TIMP3: variants seen among roughly 807,000 people sequenced by gnomAD.
The protein encoded by TIMP3 is metalloproteinase inhibitor 3.
A neutral mutation model predicts 30.0 loss-of-function variants in TIMP3; 11 were observed. The observed-to-expected ratio is 0.37, with a 90% CI of 0.23 to 0.61. The LOEUF (loss-of-function observed/expected upper bound fraction) is 0.61. Among genes scored for constraint, TIMP3 ranks in the 20% least tolerant of loss-of-function variants. The pLI is 0.70. For synonymous variants in TIMP3, 112 were observed against 111.3 expected (o/e 1.01, Z -0.04); for missense variants, 181 against 276.8 (o/e 0.65, Z 2.45).
chr22:32,821,430 A>G (rs1422918714), intron 1 of TIMP3, among the ~76,000 whole-genome samples: 3 of 152,228 alleles, frequency 2.0e-5, no homozygotes, highest in Non-Finnish European at 4.4e-5. Context: ...ATCAGAAGTC[A>G]AAGAAGGTGG....
At chr22:32,829,092 G>A (rs774651010) in intron 1 of TIMP3, among the ~76,000 whole-genome samples, 15 of 152,292 alleles carry the variant, frequency 9.8e-5, no homozygotes, top group Non-Finnish European at 1.6e-4. Flanking sequence ...TCTACCCTCA[G>A]AGGGTACCGC....
At chr22:32,852,728 A>T (rs2048255706) in intron 2 of TIMP3, among the ~76,000 whole-genome samples, 1 of 146,850 alleles carries the variant, frequency 6.8e-6, no homozygotes, top group African/African-American at 2.5e-5. Context: ...GTACACAGAG[A>T]CCTGCGATAT....
intron 1 of TIMP3, among the ~76,000 whole-genome samples, chr22:32,805,830 T>C (rs1423160033): frequency 1.3e-5 from 2 of 152,152 alleles, no homozygotes; most frequent in South Asian, 2.1e-4. Flanking sequence ...GGAGATGGAA[T>C]GGATGGTTAA....
At chr22:32,834,598 G>A (rs560871490) in intron 1 of TIMP3, among the ~76,000 whole-genome samples, 3 of 152,310 alleles carry the variant, frequency 2.0e-5, no homozygotes, top group African/African-American at 7.2e-5. Context: ...GGCTGGTGCT[G>A]TGTATGTTTT....
intron 1 of TIMP3, among the ~76,000 whole-genome samples, chr22:32,847,045 G>A (rs925607928): frequency 6.6e-6 from 1 of 152,168 alleles, no homozygotes; most frequent in Non-Finnish European, 1.5e-5. Context: ...CCAGGATGTT[G>A]CTATTTAAAG....
intron 1 of TIMP3, among the ~76,000 whole-genome samples, chr22:32,816,334 C>T (rs374069449): frequency 3.9e-5 from 6 of 152,048 alleles, no homozygotes; most frequent in South Asian, 4.2e-4. Context: ...AGTAGGTGCT[C>T]GATAAACATG....
intron 1 of TIMP3, among the ~76,000 whole-genome samples, chr22:32,828,947 C>T (rs183296432): frequency 6.6e-6 from 1 of 152,210 alleles, no homozygotes; most frequent in East Asian, 1.9e-4. Context: ...AGACAAAAAA[C>T]AAGGATCTTG....
At chr22:32,835,558 G>A (rs949246173) in intron 1 of TIMP3, among the ~76,000 whole-genome samples, 4 of 152,142 alleles carry the variant, frequency 2.6e-5, no homozygotes, top group African/African-American at 7.2e-5. Flanking sequence ...GGGTAATGGG[G>A]AGCAGAAGAG....
chr22:32,829,999 C>A (rs188087272), intron 1 of TIMP3, among the ~76,000 whole-genome samples: 3 of 152,332 alleles, frequency 2.0e-5, no homozygotes, highest in East Asian at 3.9e-4. Context: ...TGGACTGATA[C>A]CAGTCAATGT....
chr22:32,819,324 A>G (rs969724081), intron 1 of TIMP3, among the ~76,000 whole-genome samples: 2 of 152,204 alleles, frequency 1.3e-5, no homozygotes, highest in Non-Finnish European at 2.9e-5. Flanking sequence ...CACAAAGAGG[A>G]CACGATGCCT....
At chr22:32,831,360 CAG>C (rs1213006162) in intron 1 of TIMP3, among the ~76,000 whole-genome samples, 2 of 152,172 alleles carry the variant, frequency 1.3e-5, no homozygotes, top group East Asian at 3.9e-4. Context: ...AAAGTTAACT[CAG>C]AGCATTAGAG....
At chr22:32,803,864 G>A (rs559883856) in intron 1 of TIMP3, among the ~76,000 whole-genome samples, 2 of 152,280 alleles carry the variant, frequency 1.3e-5, no homozygotes, top group East Asian at 3.9e-4. Context: ...TGTAGTGGGA[G>A]TAGGTCCCCA....
chr22:32,853,425 T>C lies in TIMP3; in HGVS notation c.205-3824T>C, dbSNP rs530915953. Among the ~76,000 whole-genome samples, 12 of 152,346 alleles carry C rather than the reference T, an allele frequency of 7.9e-5. 1 individual carries two copies. The East Asian group carries it at 1.2e-3, about 15-fold the overall frequency. Reference sequence around the variant, plus strand: ...GCATGCAAGACATAGTTGGAATCATTGAGGCAACTCATGCTGTCAATGTAG... The same window carrying C: ...GCATGCAAGACATAGTTGGAATCATCGAGGCAACTCATGCTGTCAATGTAG... On this transcript the variant is annotated intron_variant, in intron 2 of 4. Coordinates refer to ENST00000266085, the MANE Select transcript of TIMP3 (RefSeq NM_000362.5).
chr22:32,838,672 T>A (rs764881484), intron 1 of TIMP3, among the ~76,000 whole-genome samples: 8 of 152,114 alleles, frequency 5.3e-5, no homozygotes, highest in Non-Finnish European at 7.3e-5. Flanking sequence ...GATCACATTT[T>A]TACTTGTCCC....
chr22:32,841,787 A>G (rs1256994373), intron 1 of TIMP3, among the ~76,000 whole-genome samples: 2 of 152,196 alleles, frequency 1.3e-5, no homozygotes, highest in South Asian at 2.1e-4. Context: ...ACTATGGTAC[A>G]TGTTTACCTT....
chr22:32,815,917 G>A lies in TIMP3; in HGVS notation c.121+13795G>A, dbSNP rs112816387. The stretch of plus-strand genomic sequence containing the variant: ...TGTTCTGTGGTCTGTGGTCTTCACC[G>A]CCCCACTAGACAGCCTGGATTTTTC... On this transcript the variant is annotated intron_variant, in intron 1 of 4. Transcript: ENST00000266085. Among the ~76,000 whole-genome samples the A allele has an allele frequency of 8.0e-3, 1,220 of 152,258 alleles. 9 individuals carry two copies. The highest frequency in any genetic ancestry group is 0.01 in the Non-Finnish European group (702 of 68,024).
At position 32,857,271 on chromosome 22, in the gene TIMP3, T is replaced by A; in HGVS notation, c.227T>A (p.Met76Lys). The A allele has an allele frequency of 1.2e-6, 2 of 1,614,110 alleles. No homozygotes were observed. Among genetic ancestry groups the A allele is most frequent in the Non-Finnish European group, 8.5e-7 (1 of 1,180,002 alleles). ...CAGATGTACCGAGGCTTCACCAAGATGCCCCATGTGCAGTACATCCATACG... is the reference window on the plus strand; with the variant it reads ...CAGATGTACCGAGGCTTCACCAAGAAGCCCCATGTGCAGTACATCCATACG... Reference protein sequence around the residue: ...QMKMYRGFTKMPHVQYIHTEA... With the variant: ...QMKMYRGFTKKPHVQYIHTEA... The change falls in exon 3 of 5, where the codon ATG becomes AAG. Residue 76 changes from methionine (M) to lysine (K), a missense_variant. Around this residue, in one of 3 missense-constraint regions of TIMP3, gnomAD observed 63 missense variants for 133.3 expected, o/e 0.47. Coordinates refer to ENST00000266085, the MANE Select transcript of TIMP3 (RefSeq NM_000362.5).
intron 1 of TIMP3, among the ~76,000 whole-genome samples, chr22:32,838,903 G>C (rs1001172919): frequency 6.6e-6 from 1 of 151,706 alleles, no homozygotes. Context: ...GGTAATTAGC[G>C]ATGCTAGTGA....
chr22:32,847,786 A>G (rs1482348987), intron 1 of TIMP3, among the ~76,000 whole-genome samples: 1 of 152,222 alleles, frequency 6.6e-6, no homozygotes, highest in Non-Finnish European at 1.5e-5. Flanking sequence ...GCAACTTGAG[A>G]TAAGAAAGAT....
Sources: allele counts gnomAD v4.1 joint callset (sites outside exome capture counted in the v4.1 genomes callset), GRCh38; gene constraint gnomAD v4.1.1; regional missense constraint gnomAD v4.1.1; transcripts MANE v1.5; gene names NCBI Gene and HGNC (gene_info 2026-07-23, HGNC 2026-07-21).